KCNMA1: variants seen among roughly 807,000 people sequenced by gnomAD.
KCNMA1 encodes the protein Calcium-activated potassium channel subunit alpha-1.
Under a neutral mutation model 140.0 loss-of-function variants are expected in KCNMA1, and 29 were observed. The observed-to-expected ratio is 0.21, with a 90% CI of 0.15 to 0.28. The LOEUF is 0.28. Among genes scored for constraint, KCNMA1 ranks in the 10% least tolerant of loss-of-function variants. The probability of loss-of-function intolerance (pLI) is 1.00; values close to 1 mark genes in which losing one functional copy is unlikely to be tolerated. For missense variants in KCNMA1, 880 were observed against 1,602.2 expected (o/e 0.55, Z 7.70); for synonymous variants, 612 against 611.9 (o/e 1.00, Z 0.00).
intron 2 of KCNMA1, among the ~76,000 whole-genome samples, chr10:77,304,904 C>T (rs2077326524): frequency 6.6e-6 from 1 of 152,192 alleles, no homozygotes; most frequent in Admixed American, 6.5e-5. Context: ...CCAGAGGTGA[C>T]TGCTGCTTGG....
At chr10:77,439,424 T>A (rs991969195) in intron 1 of KCNMA1, among the ~76,000 whole-genome samples, 1 of 152,098 alleles carries the variant, frequency 6.6e-6, no homozygotes, top group African/African-American at 2.4e-5. Context: ...CCCATTCCCT[T>A]TGTGGCTGGG....
intron 3 of KCNMA1, among the ~76,000 whole-genome samples, chr10:77,243,218 C>A (rs1471211674): frequency 4.7e-5 from 7 of 148,504 alleles, no homozygotes; most frequent in African/African-American, 1.2e-4. Flanking sequence ...CACACCCCTA[C>A]CACAGTTGTG....
At chr10:76,977,837 T>C (rs16934131) in intron 19 of KCNMA1, 136,080 of 570,690 alleles carry the variant, frequency 0.24, 18,017 homozygotes, top group Non-Finnish European at 0.27. Flanking sequence ...CAAGCTAAGT[T>C]AGATTCATCC....
chr10:77,280,675 C>A (rs1184923858), intron 2 of KCNMA1, among the ~76,000 whole-genome samples: 1 of 149,866 alleles, frequency 6.7e-6, no homozygotes, highest in Non-Finnish European at 1.5e-5. Flanking sequence ...TACAGACAGG[C>A]ATCACCATGC....
chr10:77,579,050 G>A (rs2075096623), intron 1 of KCNMA1, among the ~76,000 whole-genome samples: 1 of 152,204 alleles, frequency 6.6e-6, no homozygotes, highest in Admixed American at 6.5e-5. Context: ...AAACAGGGAG[G>A]GAGCCACTAA....
At chr10:76,905,524 C>T (rs1590120321) in intron 25 of KCNMA1, among the ~76,000 whole-genome samples, 1 of 152,230 alleles carries the variant, frequency 6.6e-6, no homozygotes, top group African/African-American at 2.4e-5. Context: ...GATTGCCTTC[C>T]TGTCTACCAC....
chr10:77,625,274 C>T (rs1052687463), intron 1 of KCNMA1, among the ~76,000 whole-genome samples: 5 of 151,770 alleles, frequency 3.3e-5, no homozygotes, highest in Admixed American at 1.3e-4. Context: ...CCAGCTACTC[C>T]GGAGGCTGAG....
At chr10:77,110,409 C>A in intron 7 of KCNMA1, 66 bp from the exon 8 acceptor site, 1 of 1,402,184 alleles carries the variant, frequency 7.1e-7, no homozygotes, top group South Asian at 1.2e-5. Flanking sequence ...ATGCAATAAA[C>A]GCGGAAGCTC....
chr10:77,058,796 C>T (rs2095636488), intron 14 of KCNMA1, among the ~76,000 whole-genome samples: 1 of 151,666 alleles, frequency 6.6e-6, no homozygotes, highest in African/African-American at 2.4e-5. Flanking sequence ...AATGTTTACA[C>T]CAAAAAAGAA....
intron 17 of KCNMA1, among the ~76,000 whole-genome samples, chr10:77,017,617 C>T (rs2092299144): frequency 6.6e-6 from 1 of 152,162 alleles, no homozygotes; most frequent in African/African-American, 2.4e-5. Flanking sequence ...TTCCCAAAAG[C>T]TTCTGTAGCC....
chr10:77,153,621 C>T (rs1413248626), intron 5 of KCNMA1, among the ~76,000 whole-genome samples: 1 of 152,196 alleles, frequency 6.6e-6, no homozygotes, highest in African/African-American at 2.4e-5. Flanking sequence ...CCTTGGCCTC[C>T]CAAAGTGCTG....
intron 13 of KCNMA1, among the ~76,000 whole-genome samples, chr10:77,079,237 T>C (rs2096491714): frequency 6.6e-6 from 1 of 151,670 alleles, no homozygotes; most frequent in Admixed American, 6.6e-5. Flanking sequence ...GCCATTGCAC[T>C]CCAGCCTGGG....
At chr10:76,928,817 C>T (rs2058508098) in intron 23 of KCNMA1, among the ~76,000 whole-genome samples, 1 of 152,108 alleles carries the variant, frequency 6.6e-6, no homozygotes, top group African/African-American at 2.4e-5. Flanking sequence ...ACACAGGCAA[C>T]TCCAGAGGAG....
intron 1 of KCNMA1, among the ~76,000 whole-genome samples, chr10:77,623,001 T>A (rs1341426827): frequency 6.6e-6 from 1 of 152,230 alleles, no homozygotes; most frequent in Admixed American, 6.5e-5. Flanking sequence ...GAACAGGCAC[T>A]GGTGAGATGA....
Position 77,255,970 on chromosome 10 carries a change from C to T in KCNMA1, c.541-4714G>A, listed in dbSNP as rs371969039. ...CCTGATGCAAAGAAGGAGCCTGGTG[C>T]AAAATGGGGAGGAGAGAGGGGAAGT... On this transcript the variant is annotated intron_variant, in intron 2 of 27. Transcript: ENST00000286628. Among the ~76,000 whole-genome samples, 20 of 150,464 alleles carry T rather than the reference C, an allele frequency of 1.3e-4. No homozygotes were observed. In the South Asian group the frequency reaches 4.2e-3, roughly 32 times the overall value.
At chr10:77,160,109 TCTC>T (rs141564800) in intron 5 of KCNMA1, among the ~76,000 whole-genome samples, 22,172 of 151,962 alleles carry the variant, frequency 0.15, 1,976 homozygotes, top group African/African-American at 0.25. Flanking sequence ...CTGGGAAGGC[TCTC>T]CTCCTGTTCC....
At chr10:77,148,533 G>GC (rs1470516487) in intron 5 of KCNMA1, among the ~76,000 whole-genome samples, 2 of 60,232 alleles carry the variant, frequency 3.3e-5, no homozygotes, top group East Asian at 0.013. Flanking sequence ...TACTTGTTTT[G>GC]GGGGGGATTA....
At chr10:77,530,423 C>A (rs74575854) in intron 1 of KCNMA1, among the ~76,000 whole-genome samples, 3,280 of 152,274 alleles carry the variant, frequency 0.022, 127 homozygotes, top group African/African-American at 0.073. Flanking sequence ...TGCAGTAAAT[C>A]ATCTCCAAAG....
chr10:76,943,758 T>C (rs1254442145), intron 23 of KCNMA1, among the ~76,000 whole-genome samples: 1 of 152,124 alleles, frequency 6.6e-6, no homozygotes, highest in Non-Finnish European at 1.5e-5. Context: ...GGTGGTGATG[T>C]CAAGTTGACA....
Sources: allele counts gnomAD v4.1 joint callset (sites outside exome capture counted in the v4.1 genomes callset), GRCh38; gene constraint gnomAD v4.1.1; transcripts MANE v1.5; gene names NCBI Gene and HGNC (gene_info 2026-07-23, HGNC 2026-07-21).